IRAK1BP1: variants seen among roughly 807,000 people sequenced by gnomAD.
The protein encoded by IRAK1BP1 is interleukin-1 receptor-associated kinase 1-binding protein 1.
IRAK1BP1 carries 24 observed loss-of-function variants against 28.0 expected under a neutral mutation model. That is an observed-to-expected ratio of 0.86 (90% CI 0.62 to 1.20). IRAK1BP1 has a LOEUF of 1.20. Ranked by LOEUF, IRAK1BP1 falls within the 50% of genes most tolerant of loss-of-function variation. The pLI, the probability that IRAK1BP1 is intolerant of heterozygous loss-of-function variation, is 0.00. For synonymous variants in IRAK1BP1, 131 were observed against 116.3 expected (o/e 1.13, Z -0.81); for missense variants, 336 against 316.7 (o/e 1.06, Z -0.46).
rs1041664824 is a variant in IRAK1BP1, at chr6:78,900,444, C to A, written c.*2110C>A. 3.3e-5 allele frequency: 5 copies of A among 152,172 alleles called. No homozygotes were observed. The highest frequency in any genetic ancestry group is 1.2e-4 in the African/African-American group (5 of 41,444). 9.4% of individuals were successfully genotyped at this position (152,172 alleles called of 1,614,324 possible). On this transcript the variant is annotated 3_prime_UTR_variant, in exon 4 of 4. Coordinates refer to ENST00000369940, the MANE Select transcript of IRAK1BP1 (RefSeq NM_001010844.4). Reference sequence around the variant, plus strand: ...CAGCTTCACCCACTTTTTAAAGTGGCCCTGAAACAATTTTATTCATCTTAT... The same window carrying A: ...CAGCTTCACCCACTTTTTAAAGTGGACCTGAAACAATTTTATTCATCTTAT...
chr6:78,955,229 T>TATA, the IRAK1BP1 span: 1 of 1,599,074 alleles, frequency 6.3e-7, no homozygotes, highest in Non-Finnish European at 8.6e-7. Flanking sequence ...AAAACTATAT[T>TATA]ACCTTCCTTT....
intron 1 of IRAK1BP1, among the ~76,000 whole-genome samples, chr6:78,876,310 T>A (rs1294189636): frequency 6.6e-6 from 1 of 152,208 alleles, no homozygotes; most frequent in Non-Finnish European, 1.5e-5. Context: ...CCCAGCCATG[T>A]GGAACTGAGA....
chr6:78,917,631 C>CAAAAAAAAAAAA (rs1772595516), intron 4 of IRAK1BP1, among the ~76,000 whole-genome samples: 1 of 48,174 alleles, frequency 2.1e-5, no homozygotes, highest in African/African-American at 8.9e-5. Context: ...AAAGTCAACA[C>CAAAAAAAAAAAA]TAAAAAAAAA....
intron 1 of IRAK1BP1, among the ~76,000 whole-genome samples, chr6:78,876,383 A>G (rs1771004089): frequency 6.6e-6 from 1 of 152,194 alleles, no homozygotes; most frequent in Non-Finnish European, 1.5e-5. Context: ...CAGCGTGAAA[A>G]TGGACTAATA....
Position 78,901,202 on chromosome 6 carries a change from GT to G in IRAK1BP1, c.*2869del. The G allele has an allele frequency of 1.3e-5, 2 of 149,422 alleles. No homozygotes were observed. Among genetic ancestry groups the G allele is most frequent in the Admixed American group, 6.7e-5 (1 of 14,968 alleles). 9.3% of individuals were successfully genotyped at this position (149,422 alleles called of 1,614,324 possible). A position where few individuals can be genotyped will look rare whatever the true frequency, so the allele number is the denominator to read the frequency against. ...TAAAGACAATTTTTTTTTTAAGTTA[GT>G]AGGCACTTTTTAGAATTTCCAGGAA... On this transcript the variant is annotated 3_prime_UTR_variant, in exon 4 of 4. Coordinates refer to ENST00000369940, the MANE Select transcript of IRAK1BP1 (RefSeq NM_001010844.4).
chr6:78,876,477 C>T (rs964538574), intron 1 of IRAK1BP1, among the ~76,000 whole-genome samples: 10 of 152,186 alleles, frequency 6.6e-5, no homozygotes, highest in African/African-American at 2.2e-4. Flanking sequence ...TAAACAGTAG[C>T]TTAATCAAGA....
the IRAK1BP1 span, among the ~76,000 whole-genome samples, chr6:78,978,215 A>G: frequency 5.9e-5 from 9 of 152,140 alleles, no homozygotes; most frequent in East Asian, 1.3e-3. Context: ...ACTTTTTGAA[A>G]TAAAATTAAA....
chr6:78,961,846 G>A, the IRAK1BP1 span: 3 of 1,510,636 alleles, frequency 2.0e-6, no homozygotes, highest in Middle Eastern at 1.7e-4. Flanking sequence ...ATTTATTTTT[G>A]TATGCCTAAA....
intron 4 of IRAK1BP1, among the ~76,000 whole-genome samples, chr6:78,927,305 T>C (rs1772916024): frequency 6.6e-6 from 1 of 152,208 alleles, no homozygotes; most frequent in Non-Finnish European, 1.5e-5. Context: ...CCAGTGATAT[T>C]GAGCACCTTT....
chr6:78,970,754 C>T, the IRAK1BP1 span: 19 of 1,365,184 alleles, frequency 1.4e-5, no homozygotes, highest in East Asian at 2.5e-4. Context: ...ATTTTTGGGG[C>T]TATTAAATAA....
chr6:78,879,343 G>A (rs1771135344), intron 1 of IRAK1BP1, among the ~76,000 whole-genome samples: 1 of 151,906 alleles, frequency 6.6e-6, no homozygotes, highest in Non-Finnish European at 1.5e-5. Context: ...AGAACTTAAA[G>A]TATAATAATA....
At chr6:78,910,825 C>A (rs1373385772) in intron 4 of IRAK1BP1, among the ~76,000 whole-genome samples, 2 of 152,230 alleles carry the variant, frequency 1.3e-5, no homozygotes, top group Non-Finnish European at 2.9e-5. Flanking sequence ...GGGCGCTCCG[C>A]GCTGTCATGA....
chr6:78,955,114 T>G, the IRAK1BP1 span: 1 of 890,560 alleles, frequency 1.1e-6, no homozygotes, highest in Non-Finnish European at 1.7e-6. Flanking sequence ...ATTTTGTAAT[T>G]GAAACTAATT....
intron 1 of IRAK1BP1, among the ~76,000 whole-genome samples, chr6:78,879,072 T>A (rs1340230712): frequency 2.0e-5 from 3 of 152,092 alleles, no homozygotes; most frequent in Non-Finnish European, 2.9e-5. Flanking sequence ...AAAACACTCT[T>A]CACGATATTA....
chr6:78,968,993 T>C, the IRAK1BP1 span, among the ~76,000 whole-genome samples: 1 of 152,210 alleles, frequency 6.6e-6, no homozygotes, highest in Non-Finnish European at 1.5e-5. Flanking sequence ...CTTTTCCTGT[T>C]CTGGACTTCC....
chr6:78,926,255 C>A (rs1237297119), intron 4 of IRAK1BP1, among the ~76,000 whole-genome samples: 1 of 152,164 alleles, frequency 6.6e-6, no homozygotes, highest in Non-Finnish European at 1.5e-5. Flanking sequence ...CTGTGGAAAG[C>A]AGTTTGGAGA....
Position 78,867,562 on chromosome 6 carries a change from C to G in IRAK1BP1, c.-15C>G. On this transcript the variant is annotated 5_prime_UTR_variant, in exon 1 of 4. Transcript: ENST00000369940. ...GTCGGCCGGTAGTTACTATGGAAAC[C>G]CAGCTGCCATCGCTATGTCTCTGCA... The G allele has an allele frequency of 6.2e-7, 1 of 1,609,152 alleles. No homozygotes were observed. The highest frequency in any genetic ancestry group is 8.5e-7 in the Non-Finnish European group (1 of 1,177,314).
chr6:78,879,948 T>G (rs1205573005), intron 1 of IRAK1BP1, among the ~76,000 whole-genome samples: 1 of 152,206 alleles, frequency 6.6e-6, no homozygotes, highest in South Asian at 2.1e-4. Context: ...GAGTCTGAAA[T>G]GGGGAAGGTA....
chr6:78,946,635 TA>T, downstream of IRAK1BP1: 1 of 1,471,640 alleles, frequency 6.8e-7, no homozygotes, highest in Non-Finnish European at 8.9e-7. Context: ...GTAAAGGAAG[TA>T]TTAAAAAACA....
Sources: gnomAD v4.1 joint callset for allele counts (sites outside exome capture counted in the v4.1 genomes callset) on GRCh38, gnomAD v4.1.1 for gene constraint, MANE v1.5 for transcripts, NCBI Gene and HGNC (gene_info 2026-07-23, HGNC 2026-07-21) for gene names.